Variants in ERC2 observed in about 807,000 individuals in gnomAD.
ERC2 encodes ERC protein 2.
Under a neutral mutation model 114.8 loss-of-function variants are expected in ERC2, and 42 were observed. That is an observed-to-expected ratio of 0.37 (90% confidence interval 0.29 to 0.47). The LOEUF (loss-of-function observed/expected upper bound fraction) is 0.47. Ranked by LOEUF, ERC2 falls within the 20% of genes least tolerant of loss-of-function variation. ERC2 has a pLI of 0.99. For missense variants in ERC2, 939 were observed against 1,150.7 expected (o/e 0.82, Z 2.66); for synonymous variants, 454 against 425.5 (o/e 1.07, Z -0.82).
At chr3:56,339,780 A>G (rs1223131289) in intron 2 of ERC2, among the ~76,000 whole-genome samples, 2 of 152,100 alleles carry the variant, frequency 1.3e-5, no homozygotes, top group Non-Finnish European at 2.9e-5. Context: ...ACCCTATGGT[A>G]TAAACAATAG....
At chr3:56,139,396 A>G in intron 6 of ERC2, 113 bp downstream of exon 6, 1 of 999,222 alleles carries the variant, frequency 1.0e-6, no homozygotes, top group Non-Finnish European at 1.4e-6. Context: ...ATTTCAAAAT[A>G]CATCTGGCCC....
At chr3:55,610,263 A>T (rs1386129782) in intron 17 of ERC2, among the ~76,000 whole-genome samples, 1 of 151,950 alleles carries the variant, frequency 6.6e-6, no homozygotes, top group Non-Finnish European at 1.5e-5. Context: ...TTGACAAATA[A>T]CCAGGGATGG....
intron 17 of ERC2, among the ~76,000 whole-genome samples, chr3:55,539,415 CTTTTTTTTTTTTTTT>C (rs58749389): frequency 5.1e-5 from 2 of 39,090 alleles, no homozygotes; most frequent in African/African-American, 8.7e-5. Context: ...TTTTTTCTTT[CTTTTTTTTTTTTTTT>C]TTTTTTTTTT....
chr3:55,683,572 C>T (rs544540372), intron 17 of ERC2, among the ~76,000 whole-genome samples: 1 of 152,218 alleles, frequency 6.6e-6, no homozygotes, highest in Admixed American at 6.5e-5. Context: ...AACCCAGCCC[C>T]AACAAGGCAG....
chr3:55,570,591 T>C (rs1430403108), intron 17 of ERC2, among the ~76,000 whole-genome samples: 1 of 152,118 alleles, frequency 6.6e-6, no homozygotes, highest in African/African-American at 2.4e-5. Flanking sequence ...GTTCTGACGA[T>C]ATTCTCTAAC....
chr3:55,633,254 T>C (rs2059828065), intron 17 of ERC2, among the ~76,000 whole-genome samples: 1 of 152,048 alleles, frequency 6.6e-6, no homozygotes. Context: ...ACTGAAAGAG[T>C]ACCTGACATA....
chr3:55,889,030 A>G (rs1006362952), intron 13 of ERC2, among the ~76,000 whole-genome samples: 2 of 152,182 alleles, frequency 1.3e-5, no homozygotes, highest in African/African-American at 4.8e-5. Flanking sequence ...TTATAAAACT[A>G]CTTAATGTGT....
At chr3:56,221,675 C>T (rs577060148) in intron 3 of ERC2, among the ~76,000 whole-genome samples, 21 of 152,106 alleles carry the variant, frequency 1.4e-4, no homozygotes, top group Non-Finnish European at 2.1e-4. Flanking sequence ...GAGGCCGAGG[C>T]GGGTGGATCA....
chr3:55,918,596 CTG>C (rs1162442640), intron 13 of ERC2, among the ~76,000 whole-genome samples: 1 of 151,970 alleles, frequency 6.6e-6, no homozygotes. Context: ...AAATGATGCA[CTG>C]TGTGCATTTC....
At position 56,394,996 on chromosome 3, in the gene ERC2, C is replaced by G. The variant is rs547595962; in HGVS notation, c.657+39355G>C. 1.6e-3 allele frequency among the ~76,000 whole-genome samples: 235 copies of G among 151,204 alleles called. 1 individual carries two copies. The highest frequency in any genetic ancestry group is 0.01 in the Middle Eastern group (3 of 292). ...ATCTGGCAACAAAAGGAATAAAGAA[C>G]AGATACATGCTCTAACATGGATGAA... On this transcript the variant is annotated intron_variant, in intron 2 of 17. Coordinates refer to ENST00000288221, the MANE Select transcript of ERC2 (RefSeq NM_015576.3).
intron 14 of ERC2, among the ~76,000 whole-genome samples, chr3:55,796,684 C>G (rs989269288): frequency 1.3e-5 from 2 of 152,168 alleles, no homozygotes; most frequent in Non-Finnish European, 2.9e-5. Context: ...CTCGGCCTCC[C>G]GAAGTGCTGG....
intron 2 of ERC2, among the ~76,000 whole-genome samples, chr3:56,320,812 A>G (rs2057094569): frequency 6.6e-6 from 1 of 152,218 alleles, no homozygotes; most frequent in South Asian, 2.1e-4. Context: ...GGAGCATATC[A>G]GTCAGGTAAC....
chr3:55,896,880 A>C (rs2063866073), intron 13 of ERC2, among the ~76,000 whole-genome samples: 1 of 152,244 alleles, frequency 6.6e-6, no homozygotes, highest in Non-Finnish European at 1.5e-5. Context: ...TGATTGTATT[A>C]GTCATTCTAT....
chr3:56,317,453 C>G (rs182729751), intron 2 of ERC2, among the ~76,000 whole-genome samples: 1 of 152,010 alleles, frequency 6.6e-6, no homozygotes. Flanking sequence ...AGCAGGGGGG[C>G]GACGTAAATG....
intron 4 of ERC2, among the ~76,000 whole-genome samples, chr3:56,166,571 C>T (rs1254043695): frequency 6.6e-6 from 1 of 151,930 alleles, no homozygotes; most frequent in Non-Finnish European, 1.5e-5. Flanking sequence ...AGAATCATTT[C>T]CTTTAACATA....
At chr3:55,860,948 A>T (rs772263592) in intron 14 of ERC2, among the ~76,000 whole-genome samples, 2 of 152,196 alleles carry the variant, frequency 1.3e-5, no homozygotes, top group Non-Finnish European at 2.9e-5. Flanking sequence ...TACACGGGTT[A>T]TTTCAGTCTG....
chr3:56,100,657 T>C (rs2078303523), intron 6 of ERC2, among the ~76,000 whole-genome samples: 1 of 152,240 alleles, frequency 6.6e-6, no homozygotes, highest in African/African-American at 2.4e-5. Flanking sequence ...TTTCATCATA[T>C]TCATAAGCAT....
intron 14 of ERC2, among the ~76,000 whole-genome samples, chr3:55,865,745 G>GT (rs2062281002): frequency 6.6e-6 from 1 of 152,032 alleles, no homozygotes; most frequent in Non-Finnish European, 1.5e-5. Flanking sequence ...TTAGCATGAT[G>GT]TTTTCAAGGT....
intron 9 of ERC2, among the ~76,000 whole-genome samples, chr3:56,010,135 C>G (rs759277850): frequency 6.6e-6 from 1 of 152,064 alleles, no homozygotes; most frequent in Non-Finnish European, 1.5e-5. Flanking sequence ...TTATCTCAAG[C>G]AAGGGATCAT....
Sources: gnomAD v4.1 joint callset for allele counts (sites outside exome capture counted in the v4.1 genomes callset) on GRCh38, gnomAD v4.1.1 for gene constraint, MANE v1.5 for transcripts, NCBI Gene and HGNC (gene_info 2026-07-23, HGNC 2026-07-21) for gene names.